The following ZNF385D variants were observed in gnomAD, a reference collection of about 807,000 sequenced individuals.
ZNF385D encodes the protein zinc finger protein 659.
Under a neutral mutation model 35.8 loss-of-function variants are expected in ZNF385D, and 15 were observed. The ratio of observed to expected loss-of-function variants is 0.42; its 90% CI spans 0.28 to 0.64. The LOEUF is 0.64. Among genes scored for constraint, ZNF385D ranks in the 30% least tolerant of loss-of-function variants. The pLI is 0.23. For synonymous variants in ZNF385D, 212 were observed against 186.8 expected (o/e 1.13, Z -1.10); for missense variants, 474 against 494.6 (o/e 0.96, Z 0.39).
At chr3:21,945,394 T>C (rs1215185134) in intron 3 of ZNF385D, among the ~76,000 whole-genome samples, 2 of 152,190 alleles carry the variant, frequency 1.3e-5, no homozygotes, top group Admixed American at 1.3e-4. Flanking sequence ...TGCACGTTAG[T>C]TGTATGTTTT....
chr3:21,519,862 G>A (rs1356464286), intron 3 of ZNF385D, among the ~76,000 whole-genome samples: 1 of 152,192 alleles, frequency 6.6e-6, no homozygotes, highest in Admixed American at 6.5e-5. Flanking sequence ...ATTTGAATAG[G>A]ATGGGGAAGA....
At chr3:21,937,527 AATG>A (rs1701319610) in intron 3 of ZNF385D, among the ~76,000 whole-genome samples, 1 of 152,174 alleles carries the variant, frequency 6.6e-6, no homozygotes, top group Non-Finnish European at 1.5e-5. Flanking sequence ...GTTTTGTGTT[AATG>A]ATGATGAGGT....
intron 3 of ZNF385D, among the ~76,000 whole-genome samples, chr3:21,810,695 A>AT (rs1314476257): frequency 2.0e-5 from 3 of 152,008 alleles, no homozygotes; most frequent in African/African-American, 4.8e-5. Flanking sequence ...TTAAAGTTTG[A>AT]TTTTGGATCT....
chr3:21,950,426 A>AG (rs1199726115), intron 3 of ZNF385D, among the ~76,000 whole-genome samples: 1 of 151,688 alleles, frequency 6.6e-6, no homozygotes, highest in African/African-American at 2.4e-5. Flanking sequence ...AACTTGCTTA[A>AG]GTTCTTTGTA....
intron 3 of ZNF385D, among the ~76,000 whole-genome samples, chr3:21,891,514 T>C (rs1698865790): frequency 1.3e-5 from 2 of 152,170 alleles, no homozygotes; most frequent in African/African-American, 4.8e-5. Context: ...CTATCTTTTT[T>C]CCTCAGAGGT....
At chr3:21,824,232 T>C (rs1003526112) in intron 3 of ZNF385D, among the ~76,000 whole-genome samples, 2 of 152,218 alleles carry the variant, frequency 1.3e-5, no homozygotes, top group Admixed American at 6.5e-5. Flanking sequence ...GCCCCTCACA[T>C]TGTTTAAATT....
chr3:22,320,715 T>C (rs1694370594), intron 2 of ZNF385D, among the ~76,000 whole-genome samples: 1 of 151,478 alleles, frequency 6.6e-6, no homozygotes, highest in African/African-American at 2.4e-5. Flanking sequence ...CATGTCTACT[T>C]TCTTTGAGGA....
At chr3:21,635,906 T>G (rs2065416885) in intron 2 of ZNF385D, among the ~76,000 whole-genome samples, 1 of 152,150 alleles carries the variant, frequency 6.6e-6, no homozygotes. Flanking sequence ...TTTTTATGCC[T>G]GAGTAGTATT....
intron 3 of ZNF385D, among the ~76,000 whole-genome samples, chr3:22,079,847 C>T (rs1465025671): frequency 6.6e-6 from 1 of 151,766 alleles, no homozygotes; most frequent in Non-Finnish European, 1.5e-5. Flanking sequence ...ACTGATGACT[C>T]TGATCTTTGT....
intron 2 of ZNF385D, among the ~76,000 whole-genome samples, chr3:21,596,252 C>G (rs571907933): frequency 6.6e-6 from 1 of 152,122 alleles, no homozygotes; most frequent in South Asian, 2.1e-4. Flanking sequence ...TAGTGCCAAG[C>G]ACTTCAGTAA....
rs543720580 is a variant in ZNF385D at position 21,441,615 on chromosome 3, C to T, written c.440-4412G>A. 1.7e-4 allele frequency: 136 copies of T among 812,868 alleles called. No individual in the cohort carries two copies. In the African/African-American group the frequency reaches 2.4e-3, roughly 14 times the overall value. The allele number at this position is 812,868 out of a possible 1,614,324, so 50.4% of individuals were successfully genotyped here. A position where few individuals can be genotyped will look rare whatever the true frequency, so the allele number is the denominator to read the frequency against. On this transcript the variant is annotated intron_variant, in intron 4 of 7. Coordinates refer to ENST00000281523, the MANE Select transcript of ZNF385D (RefSeq NM_024697.3). ...TTACGTATATCCAAATACCATAATG[C>T]TAAGGTATTAAGTTGCTTAAAATCA... is the stretch of plus-strand genomic sequence containing the variant.
chr3:21,543,328 C>T (rs1474691910), intron 3 of ZNF385D, among the ~76,000 whole-genome samples: 1 of 152,174 alleles, frequency 6.6e-6, no homozygotes, highest in Non-Finnish European at 1.5e-5. Context: ...AACCGCTCAC[C>T]CTTGTTTCTA....
rs541020747 is a variant in ZNF385D at position 22,202,509 on chromosome 3, G to T, written c.107-33474C>A. Among the ~76,000 whole-genome samples the T allele has an allele frequency of 1.1e-4, 16 of 152,192 alleles. No individual in the cohort carries two copies. In the South Asian group the frequency reaches 3.3e-3, roughly 32 times the overall value. On this transcript the variant is annotated intron_variant, in intron 2 of 5. Coordinates refer to the ZNF385D transcript ENST00000494108. ...GGCAGAGCAAGATGGCCAAATGGAA[G>T]CTTCTACTGACTGTCCTCCTTGCAA...
intron 3 of ZNF385D, among the ~76,000 whole-genome samples, chr3:22,124,966 G>C (rs937861403): frequency 6.6e-6 from 1 of 152,012 alleles, no homozygotes; most frequent in Non-Finnish European, 1.5e-5. Context: ...CTGTGCTTGT[G>C]GGGTATTATT....
chr3:21,491,255 C>T (rs1033958717), intron 4 of ZNF385D, among the ~76,000 whole-genome samples: 1 of 149,842 alleles, frequency 6.7e-6, no homozygotes, highest in Non-Finnish European at 1.5e-5. Context: ...TGGACTCAGA[C>T]ATTAGGTTTC....
chr3:21,961,651 A>G (rs536748264), intron 3 of ZNF385D: 1 of 152,260 alleles, frequency 6.6e-6, no homozygotes. Flanking sequence ...TGATTGTTAC[A>G]TTTCAATTGT....
chr3:21,584,911 C>T (rs758148745), intron 2 of ZNF385D, among the ~76,000 whole-genome samples: 1 of 152,270 alleles, frequency 6.6e-6, no homozygotes, highest in Non-Finnish European at 1.5e-5. Flanking sequence ...TTAAAGCTTT[C>T]ATCTATTGGC....
At chr3:21,544,396 G>C (rs140532492) in intron 3 of ZNF385D, among the ~76,000 whole-genome samples, 240 of 152,240 alleles carry the variant, frequency 1.6e-3, no homozygotes, top group African/African-American at 5.4e-3. Flanking sequence ...ACTAGAAATG[G>C]ATTTGCATGC....
At chr3:21,770,840 A>C (rs2071043542) in intron 3 of ZNF385D, among the ~76,000 whole-genome samples, 2 of 152,184 alleles carry the variant, frequency 1.3e-5, no homozygotes, top group East Asian at 1.9e-4. Flanking sequence ...GAACCAACCC[A>C]AATGTCCAAC....
Sources: allele counts gnomAD v4.1 joint callset (sites outside exome capture counted in the v4.1 genomes callset), GRCh38; gene constraint gnomAD v4.1.1; transcripts MANE v1.5; gene names NCBI Gene and HGNC (gene_info 2026-07-23, HGNC 2026-07-21).